Variants in BCAS3 observed in about 807,000 individuals in gnomAD.
BCAS3 encodes the protein BCAS4/BCAS3 fusion.
BCAS3 carries 53 observed loss-of-function variants against 116.1 expected under a neutral mutation model. The observed-to-expected ratio is 0.46, with a 90% CI of 0.37 to 0.57. The LOEUF is 0.57. Ranked by LOEUF, BCAS3 falls within the 20% of genes least tolerant of loss-of-function variation. BCAS3 has a pLI of 0.00. For synonymous variants in BCAS3, 391 were observed against 408.2 expected (o/e 0.96, Z 0.51); for missense variants, 917 against 1,165.4 (o/e 0.79, Z 3.10).
chr17:61,191,092 C>A (rs952899209), intron 22 of BCAS3, among the ~76,000 whole-genome samples: 3 of 151,650 alleles, frequency 2.0e-5, no homozygotes, highest in Middle Eastern at 3.2e-3. Context: ...AATAAATCAG[C>A]CTGGGGAACA....
chr17:61,120,350 G>T (rs941792221), intron 22 of BCAS3, among the ~76,000 whole-genome samples: 2 of 152,072 alleles, frequency 1.3e-5, no homozygotes, highest in African/African-American at 4.8e-5. Flanking sequence ...AAATAAAAAT[G>T]AATAAATGGT....
At chr17:61,312,863 G>GGAGA (rs2054429172) in intron 22 of BCAS3, among the ~76,000 whole-genome samples, 2 of 152,216 alleles carry the variant, frequency 1.3e-5, no homozygotes, top group Non-Finnish European at 2.9e-5. Context: ...CTAAGTGCCT[G>GGAGA]CCCTTTCTCC....
Position 61,145,598 on chromosome 17 carries a change from A to G in BCAS3, c.2425+61034A>G, listed in dbSNP as rs999108270. ...GCAGGAGTTCATTGAACTGTACAGC[A>G]CAGCACCAGACCCTTGTGTCATTTA... On this transcript the variant is annotated intron_variant, in intron 22 of 23. Coordinates refer to ENST00000407086, the MANE Select transcript of BCAS3 (RefSeq NM_017679.5). This position sits in a 1 kb window ranked among gnomAD's most constrained non-coding sequence, Gnocchi z 5.0. Among the ~76,000 whole-genome samples, 11 of 152,212 alleles carry G rather than the reference A, an allele frequency of 7.2e-5. No homozygotes were observed. Among genetic ancestry groups the G allele is most frequent in the African/African-American group, 2.4e-4 (10 of 41,454 alleles).
intron 5 of BCAS3, among the ~76,000 whole-genome samples, chr17:60,736,215 T>C (rs199518171): frequency 2.0e-5 from 3 of 152,130 alleles, no homozygotes; most frequent in Non-Finnish European, 4.4e-5. Context: ...ATAATTCTTA[T>C]TATACTTTGT....
At chr17:60,896,995 T>C (rs2057556376) in intron 10 of BCAS3, among the ~76,000 whole-genome samples, 1 of 152,158 alleles carries the variant, frequency 6.6e-6, no homozygotes, top group South Asian at 2.1e-4. Flanking sequence ...GTGTCTTTGC[T>C]TTACCAGTGA....
chr17:61,345,140 C>A (rs767736978), intron 22 of BCAS3, among the ~76,000 whole-genome samples: 5 of 152,180 alleles, frequency 3.3e-5, no homozygotes, highest in Non-Finnish European at 5.9e-5. Context: ...AGGGCAAAAT[C>A]AAAAACTCTC....
chr17:60,735,956 G>T (rs894214781), intron 5 of BCAS3, among the ~76,000 whole-genome samples: 3 of 152,160 alleles, frequency 2.0e-5, no homozygotes, highest in African/African-American at 7.2e-5. Flanking sequence ...GTGAGTGTAA[G>T]TGAGCTATTA....
rs564182080 is a variant in BCAS3, at chr17:61,323,060, T to A, written c.2426-45267T>A. Among the ~76,000 whole-genome samples, 23 of 151,774 alleles carry A rather than the reference T, an allele frequency of 1.5e-4. No individual in the cohort carries two copies. Among genetic ancestry groups the A allele is most frequent in the African/African-American group, 4.8e-4 (20 of 41,284 alleles). ...AGTGCCACAGTTAATTTGATTGAGCTGCTAAGCAGTTGGTTTAAAAAAAAA... is the reference window on the plus strand; with the variant it reads ...AGTGCCACAGTTAATTTGATTGAGCAGCTAAGCAGTTGGTTTAAAAAAAAA... On this transcript the variant is annotated intron_variant, in intron 22 of 23. Coordinates refer to ENST00000407086, the MANE Select transcript of BCAS3 (RefSeq NM_017679.5). The surrounding 1 kb of genome is among the most constrained non-coding windows in gnomAD (Gnocchi z 4.6).
intron 14 of BCAS3, among the ~76,000 whole-genome samples, chr17:60,975,150 C>T (rs1428249342): frequency 2.6e-5 from 4 of 151,412 alleles, no homozygotes; most frequent in South Asian, 2.1e-4. Context: ...TACAGGCGCC[C>T]GCCACCGCGC....
intron 6 of BCAS3, among the ~76,000 whole-genome samples, chr17:60,770,834 GTTTTTTTTTTTTTTTTTT>G (rs60854011): frequency 2.6e-5 from 2 of 76,786 alleles, no homozygotes; most frequent in East Asian, 7.3e-4. Flanking sequence ...ACTGAAATTT[GTTTTTTTTTTTTTTTTTT>G]TTTTTTTTTT....
At chr17:60,686,825 C>T (rs147605794) in intron 3 of BCAS3, among the ~76,000 whole-genome samples, 4 of 151,856 alleles carry the variant, frequency 2.6e-5, no homozygotes, top group Non-Finnish European at 4.4e-5. Context: ...TGCACCTGGC[C>T]GAAAATTTAT....
chr17:61,040,259 T>C (rs2067400252), intron 18 of BCAS3, among the ~76,000 whole-genome samples: 1 of 152,238 alleles, frequency 6.6e-6, no homozygotes, highest in Admixed American at 6.5e-5. Context: ...ATCTGATTTA[T>C]CAAGCTTATT....
intron 22 of BCAS3, among the ~76,000 whole-genome samples, chr17:61,194,824 CT>C (rs1046305869): frequency 1.6e-4 from 25 of 151,576 alleles, no homozygotes; most frequent in African/African-American, 5.8e-4. Flanking sequence ...TTTTCAAAGA[CT>C]GAAAATGCCT....
chr17:61,255,308 A>G (rs923763575), intron 22 of BCAS3, among the ~76,000 whole-genome samples: 4 of 152,224 alleles, frequency 2.6e-5, no homozygotes, highest in African/African-American at 9.6e-5. Flanking sequence ...CCTCATCTCC[A>G]GGTCACCCGA....
chr17:60,749,305 A>G (rs77319199), intron 6 of BCAS3, among the ~76,000 whole-genome samples: 2,077 of 152,338 alleles, frequency 0.014, 28 homozygotes, highest in Non-Finnish European at 0.021. Flanking sequence ...TTGGTGTAAC[A>G]TTATGTTGAA....
At chr17:61,127,356 C>T (rs1161691941) in intron 22 of BCAS3, among the ~76,000 whole-genome samples, 2 of 151,406 alleles carry the variant, frequency 1.3e-5, no homozygotes, top group African/African-American at 2.4e-5. Context: ...AGTGTTTTCT[C>T]GTGTAAGTGA....
chr17:60,930,701 G>A (rs953782310), intron 13 of BCAS3, among the ~76,000 whole-genome samples: 4 of 151,964 alleles, frequency 2.6e-5, no homozygotes, highest in Non-Finnish European at 4.4e-5. Context: ...CAGGTAATCC[G>A]CCTGCCTCAG....
At chr17:61,080,623 G>A (rs974568403) in intron 21 of BCAS3, among the ~76,000 whole-genome samples, 1 of 152,090 alleles carries the variant, frequency 6.6e-6, no homozygotes, top group Non-Finnish European at 1.5e-5. Flanking sequence ...AGCCGGGCAT[G>A]GTGGTGCACA....
intron 5 of BCAS3, chr17:60,727,537 A>C: frequency 1.6e-6 from 2 of 1,272,160 alleles, no homozygotes; most frequent in Admixed American, 2.5e-5. Context: ...GGCATCTGAG[A>C]CTCTCGCCTC....
Sources: gnomAD v4.1 joint callset for allele counts (sites outside exome capture counted in the v4.1 genomes callset) on GRCh38, gnomAD v4.1.1 for gene constraint, Gnocchi (gnomAD v3.1) non-coding constraint, MANE v1.5 for transcripts, NCBI Gene and HGNC (gene_info 2026-07-23, HGNC 2026-07-21) for gene names.